The following CALCOCO2 variants were observed in gnomAD, a reference collection of about 807,000 sequenced individuals.
The protein encoded by CALCOCO2 is calcium-binding and coiled-coil domain-containing protein 2.
In CALCOCO2, 42 loss-of-function variants were observed where a neutral mutation model predicts 62.5. The ratio of observed to expected loss-of-function variants is 0.67; its 90% CI spans 0.53 to 0.87. The LOEUF is 0.87. Ranked by LOEUF, CALCOCO2 falls within the 40% of genes least tolerant of loss-of-function variation. CALCOCO2 has a pLI of 0.00. For missense variants in CALCOCO2, 456 were observed against 515.0 expected (o/e 0.89, Z 1.11); for synonymous variants, 167 against 173.0 (o/e 0.97, Z 0.27).
At chr17:48,860,270 C>T in intron 10 of CALCOCO2, 44 bp from the exon 11 acceptor site, 1 of 1,580,126 alleles carries the variant, frequency 6.3e-7, no homozygotes, top group Non-Finnish European at 8.7e-7. Flanking sequence ...GGTGGCCATT[C>T]TTGGTATTGT....
chr17:48,832,227 T>C (rs2039823797), intron 1 of CALCOCO2, among the ~76,000 whole-genome samples: 1 of 152,128 alleles, frequency 6.6e-6, no homozygotes. Flanking sequence ...AACGCTGTCT[T>C]TACTAAAAAT....
chr17:48,859,045 CAAAAAAA>C (rs61643790), intron 10 of CALCOCO2, among the ~76,000 whole-genome samples: 3 of 35,626 alleles, frequency 8.4e-5, no homozygotes, highest in Non-Finnish European at 1.4e-4. Context: ...GACTCTGTCT[CAAAAAAA>C]AAAAAAAAAA....
intron 11 of CALCOCO2, among the ~76,000 whole-genome samples, chr17:48,861,794 T>G (rs533541619): frequency 2.4e-4 from 36 of 151,676 alleles, no homozygotes; most frequent in Non-Finnish European, 4.9e-4. Flanking sequence ...ACTCCTGTAA[T>G]CCCAGCACTT....
At chr17:48,845,879 C>T (rs1440093308) in intron 2 of CALCOCO2, among the ~76,000 whole-genome samples, 3 of 152,016 alleles carry the variant, frequency 2.0e-5, no homozygotes, top group African/African-American at 4.8e-5. Flanking sequence ...GTGAATAAGC[C>T]GTGAAGCAGG....
intron 8 of CALCOCO2, 32 bp downstream of exon 8, chr17:48,852,660 G>A (rs1431424397): frequency 6.3e-7 from 1 of 1,592,928 alleles, no homozygotes; most frequent in South Asian, 1.1e-5. Context: ...ACACTTTTAG[G>A]CATTTGCAAG....
At chr17:48,862,567 G>C (rs987235086) in intron 12 of CALCOCO2, among the ~76,000 whole-genome samples, 2 of 152,212 alleles carry the variant, frequency 1.3e-5, no homozygotes, top group Non-Finnish European at 2.9e-5. Context: ...GAACCAGGCA[G>C]CTAGCCAAAC....
intron 1 of CALCOCO2, among the ~76,000 whole-genome samples, chr17:48,836,890 G>A (rs2039901194): frequency 6.6e-6 from 1 of 151,536 alleles, no homozygotes; most frequent in Admixed American, 6.6e-5. Context: ...CTTCTGAGTA[G>A]CTGGAATTAC....
At chr17:48,846,722 G>A (rs11657195) in intron 2 of CALCOCO2, among the ~76,000 whole-genome samples, 1,829 of 152,272 alleles carry the variant, frequency 0.012, 16 homozygotes, top group Middle Eastern at 0.051. Context: ...CATGCCCTAG[G>A]ATGTTCTGAT....
rs189275720 is a variant in CALCOCO2, at chr17:48,852,435, G to A, written c.703-71G>A. ...GAAACACATCTCTTTGTTATTGTAC[G>A]TTAAAAAGCATTGTTCCTGTTTTGT... is the stretch of plus-strand genomic sequence containing the variant. On this transcript the variant is annotated intron_variant, in intron 7 of 12. Coordinates refer to ENST00000258947, the MANE Select transcript of CALCOCO2 (RefSeq NM_005831.5). 68 of 1,380,048 alleles carry A rather than the reference G, an allele frequency of 4.9e-5. 1 individual carries two copies. In the South Asian group the frequency reaches 5.9e-4, roughly 12 times the overall value. The allele number at this position is 1,380,048 out of a possible 1,614,324, so 85.5% of individuals were successfully genotyped here.
chr17:48,841,955 C>G, intron 2 of CALCOCO2, 68 bp downstream of exon 2: 1 of 1,137,592 alleles, frequency 8.8e-7, no homozygotes, highest in Non-Finnish European at 1.3e-6. Context: ...AACTGTGTGA[C>G]TCTCTGTGTA....
At chr17:48,858,626 G>A (rs535826683) in intron 10 of CALCOCO2, among the ~76,000 whole-genome samples, 55 of 151,836 alleles carry the variant, frequency 3.6e-4, no homozygotes, top group East Asian at 1.8e-3. Context: ...CACTGTGTCC[G>A]GCCTATTCCC....
intron 11 of CALCOCO2, among the ~76,000 whole-genome samples, chr17:48,861,661 G>GTATATATA (rs59973644): frequency 2.2e-4 from 30 of 135,134 alleles, no homozygotes; most frequent in African/African-American, 7.9e-4. Flanking sequence ...ATGTGTGTGT[G>GTATATATA]TATATATATA....
chr17:48,848,897 A>G (rs1388136651), intron 4 of CALCOCO2: 1 of 475,404 alleles, frequency 2.1e-6, no homozygotes, highest in Non-Finnish European at 4.1e-6. Flanking sequence ...GCACTATGGT[A>G]GGCACTGGGA....
At chr17:48,852,038 T>C (rs1447444353) in intron 7 of CALCOCO2, among the ~76,000 whole-genome samples, 1 of 151,526 alleles carries the variant, frequency 6.6e-6, no homozygotes, top group Non-Finnish European at 1.5e-5. Flanking sequence ...CTCGGGAGGC[T>C]GAGGCAGAAG....
At chr17:48,862,805 C>A in intron 12 of CALCOCO2, 33 bp from the exon 13 acceptor site, 2 of 1,597,678 alleles carry the variant, frequency 1.3e-6, no homozygotes, top group Non-Finnish European at 1.7e-6. Flanking sequence ...ATATAGCTTA[C>A]ATTTGTACTG....
intron 2 of CALCOCO2, among the ~76,000 whole-genome samples, chr17:48,846,738 T>C (rs989996009): frequency 1.3e-5 from 2 of 152,168 alleles, no homozygotes; most frequent in Non-Finnish European, 2.9e-5. Flanking sequence ...CTGATGAGTT[T>C]TTGGTATAGA....
intron 10 of CALCOCO2, among the ~76,000 whole-genome samples, chr17:48,858,005 A>C (rs1056137484): frequency 9.4e-4 from 20 of 21,172 alleles, no homozygotes; most frequent in South Asian, 4.0e-3. Context: ...AATAGAATAG[A>C]ATAGAATAGA....
At chr17:48,858,039 GAATAGAA>G (rs1305240781) in intron 10 of CALCOCO2, among the ~76,000 whole-genome samples, 3,340 of 21,536 alleles carry the variant, frequency 0.16, 518 homozygotes, top group South Asian at 0.34. Context: ...GAATAGAATA[GAATAGAA>G]AATAGAATAG....
chr17:48,858,808 A>G (rs1386674608), intron 10 of CALCOCO2, among the ~76,000 whole-genome samples: 1 of 151,628 alleles, frequency 6.6e-6, no homozygotes, highest in Admixed American at 6.6e-5. Flanking sequence ...TAATCCCAGC[A>G]CTTTGGGAGG....
Sources: allele counts gnomAD v4.1 joint callset (sites outside exome capture counted in the v4.1 genomes callset), GRCh38; gene constraint gnomAD v4.1.1; transcripts MANE v1.5; gene names NCBI Gene and HGNC (gene_info 2026-07-23, HGNC 2026-07-21).